Variants in HAGH observed in about 807,000 individuals in gnomAD.
HAGH encodes hydroxyacylglutathione hydrolase, mitochondrial.
A neutral mutation model predicts 35.1 loss-of-function variants in HAGH; 29 were observed. The ratio of observed to expected loss-of-function variants is 0.83; its 90% CI spans 0.62 to 1.13. HAGH has a LOEUF of 1.13. Among genes scored for constraint, HAGH ranks in the 50% most tolerant of loss-of-function variants. The probability of loss-of-function intolerance (pLI) is 0.00; values close to 1 mark genes in which losing one functional copy is unlikely to be tolerated. For synonymous variants in HAGH, 225 were observed against 176.1 expected (o/e 1.28, Z -2.20); for missense variants, 478 against 419.6 (o/e 1.14, Z -1.22).
At chr16:1,822,588 CCCCTCCAGCTCTGA>C (rs1898200796) in intron 2 of HAGH, among the ~76,000 whole-genome samples, 2 of 152,276 alleles carry the variant, frequency 1.3e-5, no homozygotes, top group East Asian at 3.9e-4. Context: ...CCGCTCCAAG[CCCCTCCAGCTCTGA>C]GGGCACCACC....
intron 4 of HAGH, among the ~76,000 whole-genome samples, chr16:1,819,427 A>C (rs1355566470): frequency 6.6e-6 from 1 of 152,342 alleles, no homozygotes; most frequent in African/African-American, 2.4e-5. Flanking sequence ...ACCCTGGAAC[A>C]AGAGCGTGTA....
At chr16:1,816,649 G>A (rs1274381343) in intron 7 of HAGH, among the ~76,000 whole-genome samples, 1 of 152,232 alleles carries the variant, frequency 6.6e-6, no homozygotes, top group Non-Finnish European at 1.5e-5. Context: ...TCAGAATGTG[G>A]GAACAGGCTG....
At chr16:1,826,680 TC>T (rs1339652953) in intron 1 of HAGH, 31 bp downstream of exon 1, 70 of 983,846 alleles carry the variant, frequency 7.1e-5, no homozygotes, top group Middle Eastern at 5.0e-4. Flanking sequence ...CAGGCCCGCG[TC>T]CCCCGGCCCG....
chr16:1,822,406 T>A (rs371577842), intron 2 of HAGH, 42 bp from the exon 3 acceptor site: 4 of 1,457,472 alleles, frequency 2.7e-6, no homozygotes, highest in Non-Finnish European at 3.8e-6. Flanking sequence ...GTCACACTCC[T>A]AGGCCTGGCT....
chr16:1,810,009 C>G (rs897843507), intron 7 of HAGH, 176 bp from the exon 8 acceptor site: 28 of 598,548 alleles, frequency 4.7e-5, no homozygotes, highest in African/African-American at 1.7e-4. Context: ...ACTAAAAATA[C>G]AAAAAACTAG....
rs1447185885 is a variant in HAGH, at chr16:1,819,006, C to A, written c.541+109G>T. ...CCCAGCACCCACCCCTGGGCCCCCT[C>A]ACACCGGTGCAACAGAGAAGGCCAC... is the stretch of plus-strand genomic sequence containing the variant. On this transcript the variant is annotated intron_variant, in intron 5 of 8. Transcript: ENST00000397356. The A allele has an allele frequency of 1.3e-5, 9 of 701,326 alleles. No individual in the cohort carries two copies. In the Admixed American group the frequency reaches 2.0e-4, roughly 15 times the overall value. The allele number at this position is 701,326 out of a possible 1,614,324, so 43.4% of individuals were successfully genotyped here.
At chr16:1,814,339 T>G (rs1179694184) in intron 7 of HAGH, among the ~76,000 whole-genome samples, 1 of 151,746 alleles carries the variant, frequency 6.6e-6, no homozygotes, top group African/African-American at 2.4e-5. Flanking sequence ...CCGGGTGTGG[T>G]GGTGCATGCC....
intron 2 of HAGH, 151 bp downstream of exon 2, chr16:1,822,714 T>G: frequency 2.9e-6 from 2 of 682,868 alleles, no homozygotes; most frequent in Non-Finnish European, 5.1e-6. Flanking sequence ...GCCTCCACCC[T>G]TCTTGGAGCC....
chr16:1,814,852 C>G (rs1897817741), intron 7 of HAGH, among the ~76,000 whole-genome samples: 1 of 151,972 alleles, frequency 6.6e-6, no homozygotes, highest in East Asian at 1.9e-4. Flanking sequence ...GAGATGAGAT[C>G]ACACCACTGC....
At position 1,816,915 on chromosome 16, in the gene HAGH, C is replaced by T. The variant is rs755417762; in HGVS notation, c.725G>A (p.Arg242Gln). ...CACCTTGGCCCAGGCCAGCTTCTCC[C>T]GGATGGCGGCATTGCCGGGCTCCAC... is the stretch of plus-strand genomic sequence containing the variant. Reference protein sequence around the residue: ...RHVEPGNAAIREKLAWAKEKY... With the variant: ...RHVEPGNAAIQEKLAWAKEKY... The change falls in exon 7 of 9, where the codon CGG becomes CAG. Residue 242 changes from arginine (R) to glutamine (Q), a missense_variant. By Grantham distance (43) the Arg-to-Gln change is conservative. Transcript: ENST00000397356. 14 of 1,613,090 alleles carry T rather than the reference C, an allele frequency of 8.7e-6. No individual in the cohort carries two copies. In the Admixed American group the frequency reaches 1.3e-4, roughly 15 times the overall value.
At chr16:1,811,074 G>A (rs1167237986) in intron 7 of HAGH, among the ~76,000 whole-genome samples, 2 of 152,182 alleles carry the variant, frequency 1.3e-5, no homozygotes, top group Non-Finnish European at 2.9e-5. Flanking sequence ...GAGTTTTAAT[G>A]TTCTAGCTAT....
chr16:1,809,785 C>A lies in HAGH; in HGVS notation c.796G>T (p.Glu266Ter), dbSNP rs775891537. The A allele has an allele frequency of 3.1e-6, 5 of 1,613,862 alleles. No homozygotes were observed. In the African/African-American group the frequency reaches 4.0e-5, roughly 13 times the overall value. The change falls in exon 8 of 9, where the codon GAG becomes TAG. Residue 266 changes from glutamate to a stop codon, truncating the protein, a stop_gained. Transcript: ENST00000397356. LOFTEE classifies it high-confidence loss of function. Reference sequence around the variant, plus strand: ...CTCATGAAGGGGTTGTAGGTAAACTCCTCTGCCAGGGTGGATGGCACTGTG... The same window carrying A: ...CTCATGAAGGGGTTGTAGGTAAACTACTCTGCCAGGGTGGATGGCACTGTG... ...EPTVPSTLAE[E>*]FTYNPFMRVR...
chr16:1,809,502 G>T, intron 8 of HAGH, 120 bp from the exon 9 acceptor site: 2 of 784,824 alleles, frequency 2.5e-6, no homozygotes, highest in Non-Finnish European at 4.2e-6. Flanking sequence ...GACACGGAGG[G>T]CGGGGAGGCG....
chr16:1,817,333 G>C (rs1211738509), intron 5 of HAGH, 62 bp from the exon 6 acceptor site: 1 of 1,043,754 alleles, frequency 9.6e-7, no homozygotes, highest in African/African-American at 1.6e-5. Flanking sequence ...GACTCAGGAG[G>C]GGGCCAGGAG....
Position 1,818,954 on chromosome 16 carries a change from G to A in HAGH, c.541+161C>T. ...CCACGATCCAAACCCATCATGGGAG[G>A]AATCGGCCAGCCCCACCATGAGGCT... On this transcript the variant is annotated intron_variant, in intron 5 of 8. Coordinates refer to ENST00000397356, the MANE Select transcript of HAGH (RefSeq NM_005326.6). 3 of 602,104 alleles carry A rather than the reference G, an allele frequency of 5.0e-6. No homozygotes were observed. In the East Asian group the frequency reaches 8.5e-5, roughly 17 times the overall value. The allele number at this position is 602,104 out of a possible 1,614,324, so 37.3% of individuals were successfully genotyped here. A position where few individuals can be genotyped will look rare whatever the true frequency, so the allele number is the denominator to read the frequency against.
intron 6 of HAGH, 21 bp from the exon 7 acceptor site, chr16:1,817,015 T>A: frequency 1.9e-6 from 3 of 1,548,548 alleles, no homozygotes; most frequent in Non-Finnish European, 2.7e-6. Context: ...AGGTGACAGG[T>A]GAGCTCGGAA....
chr16:1,825,349 C>G (rs1898351822), intron 1 of HAGH, among the ~76,000 whole-genome samples: 1 of 152,144 alleles, frequency 6.6e-6, no homozygotes, highest in Non-Finnish European at 1.5e-5. Flanking sequence ...ATCACAGCCT[C>G]CTGAAGAAGC....
intron 1 of HAGH, chr16:1,826,482 C>A: frequency 2.3e-6 from 2 of 872,850 alleles, no homozygotes; most frequent in Non-Finnish European, 1.4e-6. Context: ...GAGGCCGCGG[C>A]GGACGCAGGC....
chr16:1,816,706 G>A (rs1016581650), intron 7 of HAGH, among the ~76,000 whole-genome samples, 187 bp downstream of exon 7: 9 of 152,228 alleles, frequency 5.9e-5, no homozygotes, highest in Non-Finnish European at 8.8e-5. Flanking sequence ...CAGACCCTCC[G>A]AGGCAGAGGG....
Sources: gnomAD v4.1 joint callset for allele counts (sites outside exome capture counted in the v4.1 genomes callset) on GRCh38, gnomAD v4.1.1 for gene constraint, MANE v1.5 for transcripts, NCBI Gene and HGNC (gene_info 2026-07-23, HGNC 2026-07-21) for gene names.